Variants in RYR2 observed in about 807,000 individuals in gnomAD.
The protein encoded by RYR2 is ryanodine receptor 2.
RYR2 carries 227 observed loss-of-function variants against 601.1 expected under a neutral mutation model. The observed-to-expected ratio is 0.38, with a 90% CI of 0.34 to 0.42. The LOEUF (loss-of-function observed/expected upper bound fraction) is 0.42. Ranked by LOEUF, RYR2 falls within the 10% of genes least tolerant of loss-of-function variation. RYR2 has a pLI of 1.00. For synonymous variants in RYR2, 2,223 were observed against 2,175.1 expected (o/e 1.02, Z -0.61); for missense variants, 4,646 against 6,156.5 (o/e 0.75, Z 8.21).
intron 1 of RYR2, among the ~76,000 whole-genome samples, chr1:237,107,449 G>A (rs1261862634): frequency 2.2e-5 from 3 of 136,772 alleles, no homozygotes; most frequent in Non-Finnish European, 4.6e-5. Flanking sequence ...TGAACCCAGA[G>A]GTGGAGTTTG....
chr1:237,642,248 T>A (rs1011027868), intron 47 of RYR2, among the ~76,000 whole-genome samples: 1 of 152,220 alleles, frequency 6.6e-6, no homozygotes, highest in Admixed American at 6.5e-5. Flanking sequence ...AAAACTTCCT[T>A]GATGTACTCT....
At chr1:237,697,027 A>G (rs1687512728) in intron 63 of RYR2, among the ~76,000 whole-genome samples, 1 of 151,992 alleles carries the variant, frequency 6.6e-6, no homozygotes, top group Non-Finnish European at 1.5e-5. Context: ...TGAAAATCCA[A>G]GGGCTTGCTC....
At chr1:237,783,651 C>G (rs1271997041) in intron 89 of RYR2, 24 bp from the exon 90 acceptor site, 1 of 1,478,522 alleles carries the variant, frequency 6.8e-7, no homozygotes, top group Non-Finnish European at 9.3e-7. Flanking sequence ...TTATTTTAAA[C>G]AAATGCAACT....
chr1:237,732,090 A>G lies in RYR2; in HGVS notation c.10980A>G (p.Arg3660=), dbSNP rs753230242. Residue 3660 remains arginine (R), a synonymous_variant, in exon 78 of 105, where the codon AGA becomes AGG. Transcript: ENST00000366574. ...CAGAAGAAGATGAAGGCACTAAGAG[A>G]GTTGATCCTCTACATCAGCTGATCC... ...EPPEEDEGTK[R]VDPLHQLILL... 6.2e-7 allele frequency: 1 copy of G among 1,612,000 alleles called. No homozygotes were observed. The highest frequency in any genetic ancestry group is 8.5e-7 in the Non-Finnish European group (1 of 1,178,648).
At chr1:237,470,527 A>T (rs1167234192) in intron 17 of RYR2, among the ~76,000 whole-genome samples, 1 of 152,186 alleles carries the variant, frequency 6.6e-6, no homozygotes, top group Non-Finnish European at 1.5e-5. Context: ...TGGGCAGCAG[A>T]AGTAAGATAG....
intron 56 of RYR2, among the ~76,000 whole-genome samples, chr1:237,665,819 G>A (rs1054161896): frequency 2.0e-5 from 3 of 152,094 alleles, no homozygotes; most frequent in African/African-American, 7.2e-5. Context: ...TTTTTAATGA[G>A]AGAATATACA....
chr1:237,267,028 A>G (rs548001487), intron 1 of RYR2, among the ~76,000 whole-genome samples: 2 of 152,358 alleles, frequency 1.3e-5, no homozygotes, highest in East Asian at 1.9e-4. Flanking sequence ...GGTCTCATAC[A>G]TTGGATAGGA....
chr1:237,524,717 CAT>C (rs557738575), intron 24 of RYR2, among the ~76,000 whole-genome samples: 1 of 151,264 alleles, frequency 6.6e-6, no homozygotes, highest in African/African-American at 2.4e-5. Flanking sequence ...TGTATATATA[CAT>C]ATATATATAG....
chr1:237,803,365 A>G (rs979546192), intron 98 of RYR2, among the ~76,000 whole-genome samples: 14 of 150,326 alleles, frequency 9.3e-5, no homozygotes, highest in South Asian at 4.2e-4. Context: ...GTGCAGTGGC[A>G]CACTCTCCGC....
At chr1:237,093,013 C>T (rs1667135757) in intron 1 of RYR2, among the ~76,000 whole-genome samples, 1 of 152,198 alleles carries the variant, frequency 6.6e-6, no homozygotes, top group African/African-American at 2.4e-5. Flanking sequence ...TCCCGTAGAA[C>T]TCCCGGTGAA....
intron 29 of RYR2, among the ~76,000 whole-genome samples, chr1:237,582,369 C>A (rs931100981): frequency 7.3e-5 from 11 of 150,996 alleles, no homozygotes; most frequent in African/African-American, 2.7e-4. Flanking sequence ...CTTGGCCTCC[C>A]AAAATGTTGG....
rs556564209 is a variant in RYR2, at chr1:237,119,884, C to T, written c.48+77315C>T. ...CTTCAGCTTTGGTCTTTAGTTACAA[C>T]ATTCATGCAATTAAGTGATAAACGA... On this transcript the variant is annotated intron_variant, in intron 1 of 104. Coordinates refer to ENST00000366574, the MANE Select transcript of RYR2 (RefSeq NM_001035.3). 3.3e-5 allele frequency among the ~76,000 whole-genome samples: 5 copies of T among 152,312 alleles called. No individual in the cohort carries two copies. In the East Asian group the frequency reaches 9.6e-4, roughly 29 times the overall value.
intron 1 of RYR2, among the ~76,000 whole-genome samples, chr1:237,191,513 C>G (rs182178475): frequency 6.6e-6 from 1 of 151,640 alleles, no homozygotes; most frequent in East Asian, 1.9e-4. Context: ...CGGGAAGAAG[C>G]TGTTTACCAG....
Position 237,523,748 on chromosome 1 carries a change from A to AAAC in RYR2, c.2823-6679_2823-6678insAAC, listed in dbSNP as rs780501256. The stretch of plus-strand genomic sequence containing the variant: ...CAAGATTCTGTCTCAAAAAAAAAAA[A>AAAC]GGCAAAAATTGGCAAAATACTTTAC... On this transcript the variant is annotated intron_variant, in intron 24 of 104. Transcript: ENST00000366574. Among the ~76,000 whole-genome samples, 984 of 147,598 alleles carry AAAC rather than the reference A, an allele frequency of 6.7e-3. 12 individuals carry two copies. The highest frequency in any genetic ancestry group is 0.023 in the African/African-American group (927 of 40,334).
chr1:237,161,920 T>C (rs1676059568), intron 1 of RYR2, among the ~76,000 whole-genome samples: 1 of 152,202 alleles, frequency 6.6e-6, no homozygotes, highest in African/African-American at 2.4e-5. Flanking sequence ...ATACGTCAAA[T>C]CTTTGTTCAT....
At chr1:237,227,527 A>G (rs895706266) in intron 1 of RYR2, among the ~76,000 whole-genome samples, 1 of 152,230 alleles carries the variant, frequency 6.6e-6, no homozygotes, top group Non-Finnish European at 1.5e-5. Flanking sequence ...ATCTATGAGA[A>G]AAAAATGAAA....
chr1:237,239,803 T>C (rs1685956464), intron 1 of RYR2, among the ~76,000 whole-genome samples: 1 of 152,224 alleles, frequency 6.6e-6, no homozygotes, highest in South Asian at 2.1e-4. Context: ...AACAAGGCTC[T>C]TAATTTTTTC....
chr1:237,757,496 G>T (rs549493367), intron 81 of RYR2, among the ~76,000 whole-genome samples: 1 of 152,180 alleles, frequency 6.6e-6, no homozygotes, highest in Non-Finnish European at 1.5e-5. Flanking sequence ...ATATTATAGA[G>T]AATTTATTAA....
At position 237,436,742 on chromosome 1, in the gene RYR2, T is replaced by C. The variant is rs544339942; in HGVS notation, c.1006-4577T>C. On this transcript the variant is annotated intron_variant, in intron 12 of 104. Coordinates refer to ENST00000366574, the MANE Select transcript of RYR2 (RefSeq NM_001035.3). ...ATCTGAGGATCTATTAGTTACCTGATAGAGTAATTTGGATAGACATACGGA... is the reference window on the plus strand; with the variant it reads ...ATCTGAGGATCTATTAGTTACCTGACAGAGTAATTTGGATAGACATACGGA... Among the ~76,000 whole-genome samples, 10 of 151,830 alleles carry C rather than the reference T, an allele frequency of 6.6e-5. No individual in the cohort carries two copies. The East Asian group carries it at 9.7e-4, about 15-fold the overall frequency.
Sources: gnomAD v4.1 joint callset for allele counts (sites outside exome capture counted in the v4.1 genomes callset) on GRCh38, gnomAD v4.1.1 for gene constraint, MANE v1.5 for transcripts, NCBI Gene and HGNC (gene_info 2026-07-23, HGNC 2026-07-21) for gene names.